EML3: variants seen among roughly 807,000 people sequenced by gnomAD.
The protein encoded by EML3 is echinoderm microtubule-associated protein-like 3.
EML3 carries 53 observed loss-of-function variants against 106.7 expected under a neutral mutation model. That is an observed-to-expected ratio of 0.50 (90% confidence interval 0.40 to 0.62). The LOEUF (loss-of-function observed/expected upper bound fraction) is 0.62. Among genes scored for constraint, EML3 ranks in the 20% least tolerant of loss-of-function variants. The probability of loss-of-function intolerance (pLI) is 0.00; values close to 1 mark genes in which losing one functional copy is unlikely to be tolerated. For synonymous variants in EML3, 499 were observed against 489.6 expected (o/e 1.02, Z -0.25); for missense variants, 994 against 1,209.1 (o/e 0.82, Z 2.64).
In EML3 at chr11:62,611,001, G is replaced by C; in HGVS notation, c.453-9C>G. The C allele has an allele frequency of 6.2e-7, 1 of 1,612,336 alleles. No homozygotes were observed. Among genetic ancestry groups the C allele is most frequent in the Non-Finnish European group, 8.5e-7 (1 of 1,179,582 alleles). On this transcript the variant is annotated splice_polypyrimidine_tract_variant and intron_variant, in intron 3 of 21. Transcript: ENST00000394773. ...AAGAATTTCTTCGCGGCCTGGTGGG[G>C]GCATAGTGAAGGTCATTCCCTCCAA...
At chr11:62,608,927 C>CT in intron 7 of EML3, 35 bp downstream of exon 7, 1 of 1,610,010 alleles carries the variant, frequency 6.2e-7, no homozygotes, top group Non-Finnish European at 8.5e-7. Flanking sequence ...CCCAGACCCT[C>CT]TTCCTGCCAA....
chr11:62,607,157 C>T (rs754119994), intron 11 of EML3, 58 bp from the exon 12 acceptor site: 27 of 1,586,690 alleles, frequency 1.7e-5, no homozygotes, highest in Non-Finnish European at 2.1e-5. Flanking sequence ...GATTAAAAGT[C>T]GCAGGGCAGG....
At chr11:62,609,216 C>G (rs1942688361) in intron 6 of EML3, 84 bp from the exon 7 acceptor site, 2 of 1,588,648 alleles carry the variant, frequency 1.3e-6, no homozygotes, top group Non-Finnish European at 1.7e-6. Flanking sequence ...TTCTGGCTGG[C>G]AGGGCCTAGA....
At chr11:62,603,375 C>G in intron 19 of EML3, 128 bp from the exon 20 acceptor site, 1 of 838,926 alleles carries the variant, frequency 1.2e-6, no homozygotes, top group Non-Finnish European at 1.9e-6. Context: ...ACCGTAGTAG[C>G]ATCACCTCCT....
In EML3 at chr11:62,612,522, C is replaced by T; in HGVS notation, c.-65G>A. 8 of 1,334,634 alleles carry T rather than the reference C, an allele frequency of 6.0e-6. No individual in the cohort carries two copies. Among genetic ancestry groups the T allele is most frequent in the Non-Finnish European group, 7.6e-6 (8 of 1,047,624 alleles). 82.7% of individuals were successfully genotyped at this position (1,334,634 alleles called of 1,614,324 possible). On this transcript the variant is annotated 5_prime_UTR_variant, in exon 1 of 22. Coordinates refer to ENST00000394773, the MANE Select transcript of EML3 (RefSeq NM_153265.3). ...GCGTCTAAGCCGCGGGGGCCACGGC[C>T]GGGGAGAGGGGAAGGGGAAGCACCC...
rs749804407 is a variant in EML3, at chr11:62,603,158, G to A, written c.2347C>T (p.His783Tyr). ...CCACGCCCCTGCTCACCGTAGACGTGAAAGCCCAGCACACAGGTGTAGGTA... is the reference window on the plus strand; with the variant it reads ...CCACGCCCCTGCTCACCGTAGACGTAAAAGCCCAGCACACAGGTGTAGGTA... ...WATYTCVLGF[H>Y]VYGVWPDGSD... Residue 783 changes from histidine to tyrosine, a missense_variant, in exon 20 of 22, where the codon CAC (histidine) becomes TAC (tyrosine). By Grantham distance (83) the His-to-Tyr change is moderately conservative. This residue lies in a region of EML3 where 713 missense variants were observed against 920.5 expected (regional missense o/e 0.77). Transcript: ENST00000394773. 6 of 1,614,060 alleles carry A rather than the reference G, an allele frequency of 3.7e-6. No individual in the cohort carries two copies. The highest frequency in any genetic ancestry group is 5.1e-6 in the Non-Finnish European group (6 of 1,180,016).
chr11:62,610,873 A>G lies in EML3; in HGVS notation c.566+6T>C. 1 of 1,603,852 alleles carries G rather than the reference A, an allele frequency of 6.2e-7. No homozygotes were observed. The highest frequency in any genetic ancestry group is 1.1e-5 in the South Asian group (1 of 90,448). Reference sequence around the variant, plus strand: ...GCGGGGTGGGTTGAGGGGAAGCCTCACCCACCTCTCTGTGCTCCCGGACCG... The same window carrying G: ...GCGGGGTGGGTTGAGGGGAAGCCTCGCCCACCTCTCTGTGCTCCCGGACCG... On this transcript the variant is annotated splice_donor_region_variant and intron_variant, in intron 4 of 21. Coordinates refer to ENST00000394773, the MANE Select transcript of EML3 (RefSeq NM_153265.3).
At chr11:62,607,424 T>C in intron 11 of EML3, 1 of 474,038 alleles carries the variant, frequency 2.1e-6, no homozygotes, top group African/African-American at 2.0e-5. Flanking sequence ...TAATCCCAGC[T>C]ACTCCGGGAG....
Position 62,611,484 on chromosome 11 carries a change from C to G in EML3, c.135G>C (p.Arg45=). 4.3e-6 allele frequency: 7 copies of G among 1,613,772 alleles called. No homozygotes were observed. The highest frequency in any genetic ancestry group is 5.1e-6 in the Non-Finnish European group (6 of 1,179,940). The change falls in exon 2 of 22, where the codon CGG becomes CGC. Residue 45 remains arginine (R), a synonymous_variant. Transcript: ENST00000394773. ...AALAEALRLL[R]LQVPPSSLQG... is the part of the protein sequence containing the mutation. ...GCAGGGAGGAAGGGGGCACCTGCAG[C>G]CGCAGCAGGCGAAGGGCTTCTGCCA... is the stretch of plus-strand genomic sequence containing the variant.
In EML3 at chr11:62,609,701, T is replaced by G. The variant is rs775950931; in HGVS notation, c.567-5A>C. On this transcript the variant is annotated splice_polypyrimidine_tract_variant and splice_region_variant and intron_variant, in intron 4 of 21. Transcript: ENST00000394773. ...AGGGGGTCTTTTCCCCCACGGCTGTTGGGAAGAGAGAAAGCACAGGGATTG... is the reference window on the plus strand; with the variant it reads ...AGGGGGTCTTTTCCCCCACGGCTGTGGGGAAGAGAGAAAGCACAGGGATTG... The G allele has an allele frequency of 1.8e-5, 28 of 1,592,714 alleles. No homozygotes were observed. Among genetic ancestry groups the G allele is most frequent in the Non-Finnish European group, 2.3e-5 (27 of 1,171,138 alleles).
intron 20 of EML3, 66 bp downstream of exon 20, chr11:62,603,083 T>C (rs1402637259): frequency 1.3e-6 from 2 of 1,597,790 alleles, no homozygotes; most frequent in African/African-American, 2.7e-5. Flanking sequence ...CGCCCAGCGT[T>C]CCAAGCCCAA....
chr11:62,611,983 C>G (rs146374152), intron 1 of EML3: 2 of 361,024 alleles, frequency 5.5e-6, no homozygotes, highest in Non-Finnish European at 1.0e-5. Flanking sequence ...CCAGCGAAAG[C>G]TGAGTAACTG....
chr11:62,604,286 T>C (rs1942402898), intron 16 of EML3, 85 bp from the exon 17 acceptor site: 3 of 1,176,300 alleles, frequency 2.6e-6, no homozygotes, highest in Admixed American at 1.9e-5. Context: ...CTGGGTAGGC[T>C]TGGGGATGGC....
In EML3 at chr11:62,605,750, C is replaced by A; in HGVS notation, c.1806G>T (p.Gly602=). 1 of 1,593,974 alleles carries A rather than the reference C, an allele frequency of 6.3e-7. No homozygotes were observed. The change falls in exon 15 of 22, where the codon GGG becomes GGT. Residue 602 remains glycine, a synonymous_variant. Coordinates refer to ENST00000394773, the MANE Select transcript of EML3 (RefSeq NM_153265.3). The surrounding 1 kb of genome is among the most constrained non-coding windows in gnomAD (Gnocchi z 5.2). ...VIQGHTDELW[G]LCTHPSQNRF... is the part of the protein sequence containing the mutation. Reference sequence around the variant, plus strand: ...GGTTCTGGGAGGGGTGTGTGCAGAGCCCCCAGAGCTCATCAGTGTGGCCCT... The same window carrying A: ...GGTTCTGGGAGGGGTGTGTGCAGAGACCCCAGAGCTCATCAGTGTGGCCCT...
intron 20 of EML3, 127 bp downstream of exon 20, chr11:62,603,022 G>A: frequency 6.6e-7 from 1 of 1,507,498 alleles, no homozygotes; most frequent in South Asian, 1.2e-5. Context: ...CGGTCCCGAG[G>A]GGCCTCCTGG....
rs149424956 is a variant in EML3 at position 62,611,381 on chromosome 11, A to C, written c.195-37T>G. ...ATGTTGAATTAACCTGAAGCCCCAG[A>C]GGCCCCAAGGAGGAGGAAAAATGGG... On this transcript the variant is annotated intron_variant, in intron 2 of 21. Coordinates refer to ENST00000394773, the MANE Select transcript of EML3 (RefSeq NM_153265.3). The C allele has an allele frequency of 2.3e-4, 376 of 1,613,548 alleles. 2 individuals are homozygous for C. In the East Asian group the frequency reaches 8.2e-3, roughly 35 times the overall value.
chr11:62,608,465 C>G, intron 9 of EML3, 77 bp downstream of exon 9: 1 of 1,500,404 alleles, frequency 6.7e-7, no homozygotes, highest in Admixed American at 1.7e-5. Context: ...GCCAGAACTT[C>G]CAAGGCTTCC....
Position 62,602,225 on chromosome 11 carries a change from T to C in EML3, c.*250A>G. Reference sequence around the variant, plus strand: ...CCACAAAAGCACCGGGAGGCGACTTTGGTTCTGGTTTATTGCCCCTCAGCA... The same window carrying C: ...CCACAAAAGCACCGGGAGGCGACTTCGGTTCTGGTTTATTGCCCCTCAGCA... On this transcript the variant is annotated 3_prime_UTR_variant, in exon 22 of 22. Coordinates refer to ENST00000394773, the MANE Select transcript of EML3 (RefSeq NM_153265.3). The C allele has an allele frequency of 2.0e-6, 3 of 1,520,118 alleles. No homozygotes were observed. Among genetic ancestry groups the C allele is most frequent in the Non-Finnish European group, 1.8e-6 (2 of 1,131,038 alleles). The allele number at this position is 1,520,118 out of a possible 1,614,324, so 94.2% of individuals were successfully genotyped here. A position where few individuals can be genotyped will look rare whatever the true frequency, so the allele number is the denominator to read the frequency against.
In EML3 at chr11:62,602,666, T is replaced by C; in HGVS notation, c.2500A>G (p.Met834Val). 5 of 1,596,882 alleles carry C rather than the reference T, an allele frequency of 3.1e-6. No homozygotes were observed. The highest frequency in any genetic ancestry group is 4.3e-6 in the Non-Finnish European group (5 of 1,174,776). ...PCARAKAPSR[M>V]YGGHGSHVTS... ...ACGTGGCTGCCGTGGCCCCCGTACA[T>C]GCGGCTCGGCGCCTGGGCCGGAGGG... The change falls in exon 22 of 22, where the codon ATG (methionine) becomes GTG (valine). Residue 834 changes from methionine (M) to valine (V), a missense_variant. Physicochemically the swap from Met to Val is conservative, Grantham distance 21 (BLOSUM62 1). Around this residue, in one of 3 missense-constraint regions of EML3, gnomAD observed 713 missense variants for 920.5 expected, o/e 0.77. Coordinates refer to ENST00000394773, the MANE Select transcript of EML3 (RefSeq NM_153265.3).
Sources: gnomAD v4.1 joint callset for allele counts on GRCh38, gnomAD v4.1.1 for gene constraint, gnomAD v4.1.1 regional missense constraint, Gnocchi (gnomAD v3.1) non-coding constraint, MANE v1.5 for transcripts, NCBI Gene and HGNC (gene_info 2026-07-23, HGNC 2026-07-21) for gene names.